The following ZMIZ1 variants were observed in gnomAD, a reference collection of about 807,000 sequenced individuals.
ZMIZ1 encodes zinc finger MIZ domain-containing protein 1.
ZMIZ1 carries 17 observed loss-of-function variants against 113.9 expected under a neutral mutation model. The ratio of observed to expected loss-of-function variants is 0.15; its 90% CI spans 0.10 to 0.22. The LOEUF (loss-of-function observed/expected upper bound fraction) is 0.22, where lower values mean the gene tolerates loss of function less well. Among genes scored for constraint, ZMIZ1 ranks in the 10% least tolerant of loss-of-function variants. ZMIZ1 has a pLI of 1.00. For missense variants in ZMIZ1, 1,059 were observed against 1,477.8 expected (o/e 0.72, Z 4.65); for synonymous variants, 607 against 603.1 (o/e 1.01, Z -0.09).
rs1016838201 is a variant in ZMIZ1, at chr10:79,284,974, C to T, written c.426-4801C>T. On this transcript the variant is annotated intron_variant, in intron 8 of 24. Transcript: ENST00000334512. ...GCCCATCTTTACATTTCCCCTGTCC[C>T]TTCGTGCTAGGCGACTTCCCCAAGA... Among the ~76,000 whole-genome samples, 29 of 152,330 alleles carry T rather than the reference C, an allele frequency of 1.9e-4. 1 individual carries two copies. Among genetic ancestry groups the T allele is most frequent in the Admixed American group, 1.8e-3 (28 of 15,298 alleles).
At chr10:79,166,042 G>A (rs1057362514) in intron 4 of ZMIZ1, among the ~76,000 whole-genome samples, 6 of 143,974 alleles carry the variant, frequency 4.2e-5, no homozygotes, top group Admixed American at 7.1e-5. Flanking sequence ...CCATCTCTGC[G>A]TGTCTCTGTC....
intron 7 of ZMIZ1, among the ~76,000 whole-genome samples, chr10:79,276,457 T>A (rs1444472005): frequency 1.3e-5 from 2 of 152,230 alleles, no homozygotes; most frequent in Non-Finnish European, 2.9e-5. Context: ...TGTGGATGGC[T>A]GCTCTGTGCT....
Position 79,201,581 on chromosome 10 carries a change from C to T in ZMIZ1, c.-49-3C>T. The T allele has an allele frequency of 6.2e-7, 1 of 1,603,814 alleles. No individual in the cohort carries two copies. Among genetic ancestry groups the T allele is most frequent in the Non-Finnish European group, 8.5e-7 (1 of 1,172,908 alleles). ...AGTGACAACCTCTCCTTTCTCTTCG[C>T]AGGCTGGACAACGTTCATGGCTCTC... is the stretch of plus-strand genomic sequence containing the variant. On this transcript the variant is annotated splice_polypyrimidine_tract_variant and splice_region_variant and intron_variant, in intron 4 of 24. Transcript: ENST00000334512.
intron 12 of ZMIZ1, chr10:79,293,922 T>C (rs2132039404): frequency 1.8e-6 from 1 of 568,082 alleles, no homozygotes; most frequent in East Asian, 2.9e-5. Context: ...TGGGCTGGCA[T>C]GTGCCGCCAC....
intron 2 of ZMIZ1, among the ~76,000 whole-genome samples, chr10:79,134,914 G>T (rs1225979162): frequency 6.6e-6 from 1 of 152,078 alleles, no homozygotes; most frequent in African/African-American, 2.4e-5. Flanking sequence ...TGCCTCCCGG[G>T]TTCAAGTGAT....
chr10:79,277,499 A>C (rs1408040290), intron 8 of ZMIZ1, among the ~76,000 whole-genome samples, 174 bp downstream of exon 8: 1 of 152,116 alleles, frequency 6.6e-6, no homozygotes, highest in Non-Finnish European at 1.5e-5. Context: ...CTCCCTCTCA[A>C]ACAGGTTGAA....
intron 4 of ZMIZ1, among the ~76,000 whole-genome samples, chr10:79,180,367 T>C (rs1371956063): frequency 1.3e-5 from 2 of 152,050 alleles, no homozygotes; most frequent in East Asian, 1.9e-4. Context: ...CCACAGAGGG[T>C]CCTGGCCCAG....
chr10:79,309,156 A>G (rs1261824171), intron 23 of ZMIZ1, among the ~76,000 whole-genome samples: 1 of 152,200 alleles, frequency 6.6e-6, no homozygotes, highest in Admixed American at 6.5e-5. Flanking sequence ...GCCCGCAGAG[A>G]CTGGCCAGAG....
chr10:79,138,368 C>T (rs1007718240), intron 2 of ZMIZ1, among the ~76,000 whole-genome samples: 2 of 152,232 alleles, frequency 1.3e-5, no homozygotes, highest in Admixed American at 6.5e-5. Flanking sequence ...CAAAAGGAGC[C>T]TGACCGGAGG....
At chr10:79,260,056 G>A (rs1337994873) in intron 7 of ZMIZ1, among the ~76,000 whole-genome samples, 1 of 152,206 alleles carries the variant, frequency 6.6e-6, no homozygotes. Context: ...GTGTGCCCCA[G>A]ACTAGGCTGT....
At chr10:79,286,364 T>C (rs1324116831) in intron 8 of ZMIZ1, among the ~76,000 whole-genome samples, 2 of 152,220 alleles carry the variant, frequency 1.3e-5, no homozygotes, top group Non-Finnish European at 1.5e-5. Flanking sequence ...GCAGGGCTGC[T>C]GTGGGGGCCT....
intron 11 of ZMIZ1, chr10:79,292,845 T>C (rs964745059): frequency 4.8e-5 from 22 of 461,530 alleles, no homozygotes; most frequent in African/African-American, 3.6e-4. Context: ...GGAGCCCCCA[T>C]AGGAATGCAG....
At position 79,235,726 on chromosome 10, in the gene ZMIZ1, C is replaced by T. The variant is rs568713087; in HGVS notation, c.280+19452C>T. On this transcript the variant is annotated intron_variant, in intron 7 of 24. Coordinates refer to ENST00000334512, the MANE Select transcript of ZMIZ1 (RefSeq NM_020338.4). ...AGCAGGAGGTACCGGGTAGGATGGA[C>T]CCATCCCATCAGAATCCCACACTGT... is the stretch of plus-strand genomic sequence containing the variant. Among the ~76,000 whole-genome samples, 22 of 152,326 alleles carry T rather than the reference C, an allele frequency of 1.4e-4. No homozygotes were observed. In the East Asian group the frequency reaches 4.1e-3, roughly 28 times the overall value.
intron 7 of ZMIZ1, among the ~76,000 whole-genome samples, chr10:79,235,289 T>C (rs1202774791): frequency 6.6e-6 from 1 of 151,978 alleles, no homozygotes; most frequent in Non-Finnish European, 1.5e-5. Context: ...TCACACGGGG[T>C]GGTGAAAGGA....
chr10:79,249,372 C>A (rs377694802), intron 7 of ZMIZ1, among the ~76,000 whole-genome samples: 1 of 152,212 alleles, frequency 6.6e-6, no homozygotes, highest in African/African-American at 2.4e-5. Flanking sequence ...TCGTGACTTG[C>A]ATCCACGCTG....
At chr10:79,307,695 T>C in intron 23 of ZMIZ1, 124 bp downstream of exon 23, 1 of 1,153,640 alleles carries the variant, frequency 8.7e-7, no homozygotes, top group Non-Finnish European at 1.2e-6. Context: ...GGGCTCAGAA[T>C]GGAATAGGAG....
At chr10:79,217,863 C>T (rs55716701) in intron 7 of ZMIZ1, among the ~76,000 whole-genome samples, 15,152 of 152,286 alleles carry the variant, frequency 0.099, 995 homozygotes, top group East Asian at 0.23. Flanking sequence ...CTTGGAATCT[C>T]ACAAGGGACA....
Position 79,313,264 on chromosome 10 carries a change from G to A in ZMIZ1, c.*515G>A, listed in dbSNP as rs979347762. The A allele has an allele frequency of 1.4e-5, 2 of 141,542 alleles. No individual in the cohort carries two copies. Among genetic ancestry groups the A allele is most frequent in the African/African-American group, 6.0e-5 (2 of 33,144 alleles). 8.8% of individuals were successfully genotyped at this position (141,542 alleles called of 1,614,324 possible). On this transcript the variant is annotated 3_prime_UTR_variant, in exon 25 of 25. Transcript: ENST00000334512. The stretch of plus-strand genomic sequence containing the variant: ...GAGCACTGGCAGTTGGTGGCAGTGA[G>A]ACCAGCCCACCCACCACCACCCACC...
intron 4 of ZMIZ1, 115 bp from the exon 5 acceptor site, chr10:79,201,461 CCCACAGGG>C (rs1848077221): frequency 1.4e-6 from 1 of 717,536 alleles, no homozygotes; most frequent in Non-Finnish European, 2.4e-6. Context: ...CAGGTGCAGC[CCCACAGGG>C]CCCAGCAAAG....
Sources: gnomAD v4.1 joint callset for allele counts (sites outside exome capture counted in the v4.1 genomes callset) on GRCh38, gnomAD v4.1.1 for gene constraint, MANE v1.5 for transcripts, NCBI Gene and HGNC (gene_info 2026-07-23, HGNC 2026-07-21) for gene names.